The following GON4L variants were observed in gnomAD, a reference collection of about 807,000 sequenced individuals.
GON4L encodes gon-4 like.
A neutral mutation model predicts 211.8 loss-of-function variants in GON4L; 87 were observed. The observed-to-expected ratio is 0.41, with a 90% CI of 0.35 to 0.49. The LOEUF (loss-of-function observed/expected upper bound fraction) is 0.49, where lower values mean the gene tolerates loss of function less well. Among genes scored for constraint, GON4L ranks in the 20% least tolerant of loss-of-function variants. The probability of loss-of-function intolerance (pLI) is 0.15; values close to 1 mark genes in which losing one functional copy is unlikely to be tolerated. For missense variants in GON4L, 2,155 were observed against 2,659.5 expected (o/e 0.81, Z 4.17); for synonymous variants, 875 against 962.6 (o/e 0.91, Z 1.68).
rs1174391120 is a variant in GON4L, at chr1:155,751,106, T to C, written c.6577-373A>G. On this transcript the variant is annotated intron_variant, in intron 31 of 31. Coordinates refer to ENST00000368331, the MANE Select transcript of GON4L (RefSeq NM_001282860.2). ...CAATGTTAACATTTATGAAGCACAA[T>C]ATACTGATTTGAAAAATCTCTTGTT... 3.9e-5 allele frequency among the ~76,000 whole-genome samples: 6 copies of C among 151,976 alleles called. No homozygotes were observed. The East Asian group carries it at 1.2e-3, about 29-fold the overall frequency.
chr1:155,771,109 G>C lies in GON4L; in HGVS notation c.2604C>G (p.Ile868Met), dbSNP rs1663150508. The change falls in exon 19 of 32, where the codon ATC becomes ATG. Residue 868 changes from isoleucine (I) to methionine (M), a missense_variant. Physicochemically the swap from Ile to Met is conservative, Grantham distance 10 (BLOSUM62 1). Around this residue, in one of 6 missense-constraint regions of GON4L, gnomAD observed 551 missense variants for 854.0 expected, o/e 0.65. Coordinates refer to ENST00000368331, the MANE Select transcript of GON4L (RefSeq NM_001282860.2). ...GAGCTCTGTTCATGTTGAGGTTCTT[G>C]ATTCTCACTGTCAGTTGGTGGGCAG... ...CKTAHQLTVR[I>M]KNLNMNRAPD... The C allele has an allele frequency of 3.1e-6, 5 of 1,614,064 alleles. No individual in the cohort carries two copies. In the South Asian group the frequency reaches 5.5e-5, roughly 18 times the overall value.
intron 1 of GON4L, among the ~76,000 whole-genome samples, chr1:155,856,404 T>C (rs1338624696): frequency 8.3e-6 from 1 of 120,260 alleles, no homozygotes; most frequent in Non-Finnish European, 1.7e-5. Flanking sequence ...ACTTTTTTTC[T>C]TTTTTTTTTT....
rs921323729 is a variant in GON4L, at chr1:155,761,175, GTTTTTTTTTTT to G, written c.4912-545_4912-535del. Among the ~76,000 whole-genome samples the G allele has an allele frequency of 2.7e-5, 3 of 109,560 alleles. No individual in the cohort carries two copies. The South Asian group carries it at 8.5e-4, about 31-fold the overall frequency. 71.9% of individuals were successfully genotyped at this position (109,560 alleles called of 152,430 possible). On this transcript the variant is annotated intron_variant, in intron 23 of 31. Transcript: ENST00000368331. Reference sequence around the variant, plus strand: ...CCAAGAAGTGGTTAGCTTATGTGTGGTTTTTTTTTTTTTTTTTTTTTTTGAGACAGGGTCTC... The same window carrying G: ...CCAAGAAGTGGTTAGCTTATGTGTGGTTTTTTTTTTTTGAGACAGGGTCTC...
At chr1:155,748,386 G>C (rs1462885838), downstream of GON4L, 1 of 1,604,524 alleles carries the variant, frequency 6.2e-7, no homozygotes, top group Non-Finnish European at 8.5e-7. Flanking sequence ...GCCCCTCTTG[G>C]TGTCTTCTTA....
intron 19 of GON4L, among the ~76,000 whole-genome samples, 189 bp downstream of exon 19, chr1:155,770,877 CA>C (rs1663122966): frequency 6.6e-6 from 1 of 151,414 alleles, no homozygotes; most frequent in Admixed American, 6.6e-5. Context: ...ACAACAACAA[CA>C]AAAAGCAAAT....
At position 155,814,366 on chromosome 1, in the gene GON4L, C is replaced by T. The variant is rs746148582; in HGVS notation, c.1245G>A (p.Met415Ile). ...KKSRLRQSSE[M>I]TETDEESGIL... ...TGCCACTCTCCTCATCTGTTTCAGT[C>T]ATCTCAGAAGACTGCCTCAATCTGG... is the stretch of plus-strand genomic sequence containing the variant. The change falls in exon 9 of 32, where the codon ATG (methionine) becomes ATA (isoleucine). Residue 415 changes from methionine (M) to isoleucine (I), a missense_variant. By Grantham distance (10) the Met-to-Ile change is conservative (BLOSUM62 1). Around this residue, in one of 6 missense-constraint regions of GON4L, gnomAD observed 551 missense variants for 854.0 expected, o/e 0.65. Coordinates refer to ENST00000368331, the MANE Select transcript of GON4L (RefSeq NM_001282860.2). The T allele has an allele frequency of 1.9e-6, 3 of 1,613,484 alleles. No homozygotes were observed. Among genetic ancestry groups the T allele is most frequent in the Non-Finnish European group, 2.5e-6 (3 of 1,179,558 alleles).
chr1:155,771,955 G>A (rs1167465523), intron 18 of GON4L, among the ~76,000 whole-genome samples: 1 of 152,068 alleles, frequency 6.6e-6, no homozygotes, highest in Non-Finnish European at 1.5e-5. Flanking sequence ...CCTGAGTCAG[G>A]AGTTCGAGAC....
chr1:155,750,914 C>A (rs1379770988), intron 31 of GON4L, among the ~76,000 whole-genome samples, 181 bp from the exon 32 acceptor site: 1 of 151,956 alleles, frequency 6.6e-6, no homozygotes, highest in Non-Finnish European at 1.5e-5. Context: ...CAGGTGCCCA[C>A]CACCACACCT....
intron 2 of GON4L, among the ~76,000 whole-genome samples, chr1:155,843,224 G>A (rs954247126): frequency 1.3e-5 from 2 of 152,072 alleles, no homozygotes; most frequent in South Asian, 2.1e-4. Context: ...AATCTAACTC[G>A]CTGTGGAATG....
chr1:155,753,445 TTC>T (rs917628146), intron 28 of GON4L, 31 bp from the exon 29 acceptor site: 5 of 1,535,420 alleles, frequency 3.3e-6, no homozygotes, highest in Non-Finnish European at 4.5e-6. Flanking sequence ...GTCAAAGGTG[TTC>T]TGACTGCCTA....
At chr1:155,786,013 G>A (rs1356207097) in intron 12 of GON4L, among the ~76,000 whole-genome samples, 3 of 151,890 alleles carry the variant, frequency 2.0e-5, no homozygotes, top group African/African-American at 4.8e-5. Flanking sequence ...GGAGAATGGC[G>A]TGAACCCGGG....
intron 5 of GON4L, among the ~76,000 whole-genome samples, chr1:155,820,987 C>G (rs1301824874): frequency 6.6e-6 from 1 of 152,060 alleles, no homozygotes; most frequent in Non-Finnish European, 1.5e-5. Flanking sequence ...AATAACAAGG[C>G]CGGGCGCGGT....
downstream of GON4L, chr1:155,748,544 G>A: frequency 6.2e-7 from 1 of 1,613,892 alleles, no homozygotes; most frequent in Non-Finnish European, 8.5e-7. Flanking sequence ...ATGAAGCTTT[G>A]TGAGGGGTTG....
intron 22 of GON4L, 63 bp downstream of exon 22, chr1:155,763,249 A>G (rs894204337): frequency 3.6e-5 from 56 of 1,538,110 alleles, no homozygotes; most frequent in South Asian, 1.5e-4. Flanking sequence ...CACCCTGCAC[A>G]CTGTCCTCTA....
intron 10 of GON4L, among the ~76,000 whole-genome samples, chr1:155,806,848 A>G (rs1409028586): frequency 6.6e-6 from 1 of 152,116 alleles, no homozygotes; most frequent in African/African-American, 2.4e-5. Context: ...CACACCTGCA[A>G]TCCCAACACT....
At chr1:155,775,529 A>T (rs1432310145) in intron 16 of GON4L, among the ~76,000 whole-genome samples, 1 of 150,422 alleles carries the variant, frequency 6.6e-6, no homozygotes, top group East Asian at 1.9e-4. Context: ...ATCTTGACTC[A>T]CTGAAGTCTC....
At chr1:155,852,162 CAAAAA>C (rs150456648) in intron 2 of GON4L, among the ~76,000 whole-genome samples, 2 of 77,862 alleles carry the variant, frequency 2.6e-5, no homozygotes, top group Non-Finnish European at 2.7e-5. Context: ...GAGACTGTCA[CAAAAA>C]AAAAAAAAAA....
intron 11 of GON4L, among the ~76,000 whole-genome samples, chr1:155,800,901 T>A (rs972411165): frequency 4.0e-5 from 6 of 151,052 alleles, no homozygotes; most frequent in Admixed American, 1.3e-4. Flanking sequence ...CCTGTCTGAT[T>A]GAGACATGTT....
chr1:155,768,376 T>G (rs1004717905), intron 19 of GON4L, among the ~76,000 whole-genome samples: 2 of 148,280 alleles, frequency 1.3e-5, no homozygotes, highest in Non-Finnish European at 3.0e-5. Context: ...TTTGGGAGGT[T>G]GAGGTGGGCA....
Sources: allele counts gnomAD v4.1 joint callset (sites outside exome capture counted in the v4.1 genomes callset), GRCh38; gene constraint gnomAD v4.1.1; regional missense constraint gnomAD v4.1.1; transcripts MANE v1.5; gene names NCBI Gene and HGNC (gene_info 2026-07-23, HGNC 2026-07-21).